PCED1B: variants seen among roughly 807,000 people sequenced by gnomAD.
The protein encoded by PCED1B is PC-esterase domain containing 1B.
For synonymous variants in PCED1B, 251 were observed against 246.1 expected, an observed-to-expected ratio of 1.02 and a Z score of -0.19; for missense variants, 573 against 573.9, an observed-to-expected ratio of 1.00 and a Z score of 0.02.
chr12:47,218,255 A>G (rs1274956904), intron 3 of PCED1B, among the ~76,000 whole-genome samples: 2 of 152,258 alleles, frequency 1.3e-5, no homozygotes, highest in Admixed American at 6.5e-5. Context: ...GGGGAAAACC[A>G]TGGCCTGGGG....
At chr12:47,129,192 G>T (rs1290004678) in intron 2 of PCED1B, among the ~76,000 whole-genome samples, 1 of 152,178 alleles carries the variant, frequency 6.6e-6, no homozygotes, top group Non-Finnish European at 1.5e-5. Context: ...TTCCCTTAAG[G>T]GAGGGCACAG....
chr12:47,199,957 T>C (rs1942715471), intron 2 of PCED1B, among the ~76,000 whole-genome samples: 1 of 152,158 alleles, frequency 6.6e-6, no homozygotes, highest in African/African-American at 2.4e-5. Flanking sequence ...GGAGAAAATA[T>C]TTGCAAATAT....
chr12:47,109,703 G>T (rs1386966123), intron 2 of PCED1B, among the ~76,000 whole-genome samples: 1 of 152,044 alleles, frequency 6.6e-6, no homozygotes, highest in Non-Finnish European at 1.5e-5. Context: ...CTAGTTATGT[G>T]CCAGGCCTGT....
chr12:47,127,561 T>C (rs1374652023), intron 2 of PCED1B, among the ~76,000 whole-genome samples: 2 of 151,956 alleles, frequency 1.3e-5, no homozygotes, highest in Non-Finnish European at 2.9e-5. Context: ...AAACAGGGTC[T>C]CACCGTGTTA....
intron 3 of PCED1B, among the ~76,000 whole-genome samples, chr12:47,230,855 C>A (rs1943784773): frequency 6.6e-6 from 1 of 152,148 alleles, no homozygotes; most frequent in South Asian, 2.1e-4. Flanking sequence ...ATTAGGGATG[C>A]TCAACTTTTA....
At chr12:47,234,724 AC>A (rs1592332638) in intron 3 of PCED1B, among the ~76,000 whole-genome samples, 2 of 152,126 alleles carry the variant, frequency 1.3e-5, no homozygotes, top group Non-Finnish European at 2.9e-5. Context: ...GCTCCTCCCC[AC>A]CAGGTGGAAC....
At chr12:47,155,389 G>A (rs79262486) in intron 2 of PCED1B, among the ~76,000 whole-genome samples, 1 of 152,138 alleles carries the variant, frequency 6.6e-6, no homozygotes, top group Non-Finnish European at 1.5e-5. Context: ...ATGTGAAAAC[G>A]TGAAGTTACC....
chr12:47,190,444 A>C (rs1249768697), intron 2 of PCED1B, among the ~76,000 whole-genome samples: 1 of 152,174 alleles, frequency 6.6e-6, no homozygotes, highest in Non-Finnish European at 1.5e-5. Flanking sequence ...TTCTTCCTCC[A>C]GCTCCCTGCA....
At chr12:47,215,871 A>G (rs764313345) in intron 2 of PCED1B, among the ~76,000 whole-genome samples, 3 of 135,868 alleles carry the variant, frequency 2.2e-5, no homozygotes, top group Non-Finnish European at 4.8e-5. Flanking sequence ...ACTGGCCAAC[A>G]TGGTGAAACA....
intron 1 of PCED1B, among the ~76,000 whole-genome samples, chr12:47,088,384 C>T (rs1184779695): frequency 6.6e-6 from 1 of 152,138 alleles, no homozygotes; most frequent in African/African-American, 2.4e-5. Context: ...CCTTACTCTC[C>T]ATGGTGCTCT....
chr12:47,117,571 C>T (rs1447749794), intron 2 of PCED1B, among the ~76,000 whole-genome samples: 1 of 152,158 alleles, frequency 6.6e-6, no homozygotes, highest in Non-Finnish European at 1.5e-5. Flanking sequence ...TGTATATGTG[C>T]CACATTTTCT....
intron 1 of PCED1B, among the ~76,000 whole-genome samples, chr12:47,084,735 C>T (rs1267907656): frequency 6.6e-6 from 1 of 152,170 alleles, no homozygotes; most frequent in East Asian, 1.9e-4. Context: ...GTTCCACTTA[C>T]CCAGAGTCTT....
chr12:47,115,102 A>C (rs1297513137), intron 2 of PCED1B, among the ~76,000 whole-genome samples: 1 of 152,230 alleles, frequency 6.6e-6, no homozygotes, highest in East Asian at 1.9e-4. Context: ...GCCTGGACAC[A>C]GGTTATCAAT....
chr12:47,215,070 A>G (rs1025392156), intron 2 of PCED1B, among the ~76,000 whole-genome samples: 7 of 151,592 alleles, frequency 4.6e-5, no homozygotes, highest in Non-Finnish European at 8.8e-5. Context: ...GTAGTCATGC[A>G]CTGGGACCTT....
chr12:47,174,385 GGC>G (rs1941854585), intron 2 of PCED1B, among the ~76,000 whole-genome samples: 1 of 151,094 alleles, frequency 6.6e-6, no homozygotes, highest in Non-Finnish European at 1.5e-5. Flanking sequence ...CTCCAGCCTA[GGC>G]TATAGAGTGA....
At chr12:47,213,894 A>G (rs938145764) in intron 2 of PCED1B, among the ~76,000 whole-genome samples, 2 of 152,216 alleles carry the variant, frequency 1.3e-5, no homozygotes, top group African/African-American at 2.4e-5. Context: ...TAAAGAGTAT[A>G]AGTGTGATTA....
At chr12:47,156,506 C>T (rs755104012) in intron 2 of PCED1B, among the ~76,000 whole-genome samples, 2 of 152,086 alleles carry the variant, frequency 1.3e-5, no homozygotes, top group African/African-American at 2.4e-5. Flanking sequence ...ACCCTTGCTC[C>T]ATCCACACTG....
chr12:47,089,461 C>CATGTATATAT lies in PCED1B; in HGVS notation c.-609+9738_-609+9739insGTATATATAT, dbSNP rs1233280547. 5.9e-3 allele frequency among the ~76,000 whole-genome samples: 376 copies of CATGTATATAT among 63,390 alleles called. 36 individuals are homozygous for CATGTATATAT. Among genetic ancestry groups the CATGTATATAT allele is most frequent in the Middle Eastern group, 0.023 (2 of 86 alleles). The allele number at this position is 63,390 out of a possible 152,430, so 41.6% of individuals were successfully genotyped here. A position where few individuals can be genotyped will look rare whatever the true frequency, so the allele number is the denominator to read the frequency against. ...GACTCCATCTCAAAAAAAAAAAATACATATATATATATATATATATATATA... is the reference window on the plus strand; with the variant it reads ...GACTCCATCTCAAAAAAAAAAAATACATGTATATATATATATATATATATATATATATATA... On this transcript the variant is annotated intron_variant, in intron 1 of 3. Coordinates refer to ENST00000546455, the MANE Select transcript of PCED1B (RefSeq NM_138371.3).
chr12:47,149,710 G>C (rs1232232996), intron 2 of PCED1B, among the ~76,000 whole-genome samples: 11 of 152,262 alleles, frequency 7.2e-5, no homozygotes, highest in Non-Finnish European at 7.4e-5. Flanking sequence ...ATTCATTGTG[G>C]AGAATTTAGG....
Sources: gnomAD v4.1 joint callset for allele counts (sites outside exome capture counted in the v4.1 genomes callset) on GRCh38, gnomAD v4.1.1 for gene constraint, MANE v1.5 for transcripts, NCBI Gene and HGNC (gene_info 2026-07-23, HGNC 2026-07-21) for gene names.